The following PHACTR2 variants were observed in gnomAD, a reference collection of about 807,000 sequenced individuals.
PHACTR2 encodes the protein chromosome 6 open reading frame 56.
In PHACTR2, 30 loss-of-function variants were observed where a neutral mutation model predicts 76.0. The observed-to-expected ratio is 0.39, with a 90% CI of 0.30 to 0.54. PHACTR2 has a LOEUF of 0.54. Ranked by LOEUF, PHACTR2 falls within the 20% of genes least tolerant of loss-of-function variation. The pLI is 0.61. For missense variants in PHACTR2, 696 were observed against 781.1 expected (o/e 0.89, Z 1.30); for synonymous variants, 292 against 292.5 (o/e 1.00, Z 0.02).
At chr6:143,763,843 G>A (rs746054341) in intron 5 of PHACTR2, among the ~76,000 whole-genome samples, 3 of 152,134 alleles carry the variant, frequency 2.0e-5, no homozygotes, top group African/African-American at 7.2e-5. Context: ...GTGTGGATTG[G>A]CTTCACAATG....
chr6:143,653,765 T>C lies in PHACTR2; in HGVS notation c.13+45443T>C, dbSNP rs1776801879. The stretch of plus-strand genomic sequence containing the variant: ...TGTAAGAGCTAAAACTATAACAGGC[T>C]TAGAAGAAAACATAGGTGTAAATTT... On this transcript the variant is annotated intron_variant, in intron 1 of 11. Transcript: ENST00000305766. The surrounding 1 kb of genome is among the most constrained non-coding windows in gnomAD (Gnocchi z 4.9). Among the ~76,000 whole-genome samples, 1 of 152,052 alleles carries C rather than the reference T, an allele frequency of 6.6e-6. No homozygotes were observed. The highest frequency in any genetic ancestry group is 2.4e-5 in the African/African-American group (1 of 41,402).
chr6:143,631,992 G>A (rs1188167731), intron 1 of PHACTR2, among the ~76,000 whole-genome samples: 6 of 152,114 alleles, frequency 3.9e-5, no homozygotes, highest in Non-Finnish European at 7.4e-5. Context: ...GTAGTGATGG[G>A]GCTAAGCCAG....
At position 143,806,344 on chromosome 6, in the gene PHACTR2, A is replaced by T. The variant is rs559771545; in HGVS notation, c.1846-713A>T. On this transcript the variant is annotated intron_variant, in intron 11 of 12. Transcript: ENST00000440869. This position sits in a 1 kb window ranked among gnomAD's most constrained non-coding sequence, Gnocchi z 5.8. Reference sequence around the variant, plus strand: ...GAAATTATAAGTTCTATTTCTATAAACTTCCAATATTAAAGAATATATAAG... The same window carrying T: ...GAAATTATAAGTTCTATTTCTATAATCTTCCAATATTAAAGAATATATAAG... Among the ~76,000 whole-genome samples the T allele has an allele frequency of 5.3e-5, 8 of 152,328 alleles. No homozygotes were observed. The highest frequency in any genetic ancestry group is 2.0e-4 in the Admixed American group (3 of 15,298).
Position 143,613,407 on chromosome 6 carries a change from T to A in PHACTR2, c.13+5085T>A, listed in dbSNP as rs1039687495. 3.8e-4 allele frequency among the ~76,000 whole-genome samples: 58 copies of A among 152,202 alleles called. 1 individual carries two copies. On this transcript the variant is annotated intron_variant, in intron 1 of 11. Transcript: ENST00000305766. ...TAAAAATGCCAAAAGGAAAAATCAG[T>A]TCATATATAAACATAAAAGTACTGT...
At chr6:143,724,448 T>C (rs1251242646) in intron 2 of PHACTR2, among the ~76,000 whole-genome samples, 1 of 152,168 alleles carries the variant, frequency 6.6e-6, no homozygotes, top group East Asian at 1.9e-4. Context: ...TTTCATTTTT[T>C]TCTAGAAAAC....
In PHACTR2 at chr6:143,793,230, G is replaced by A. The variant is rs1775751030; in HGVS notation, c.1845+4320G>A. Among the ~76,000 whole-genome samples, 2 of 152,146 alleles carry A rather than the reference G, an allele frequency of 1.3e-5. No homozygotes were observed. Among genetic ancestry groups the A allele is most frequent in the South Asian group, 2.1e-4 (1 of 4,828 alleles). ...TTGACTCTTGTTCTTTTGTTGGAAG[G>A]TAAAGCTCATTCATCTCTAGCTGTA... On this transcript the variant is annotated intron_variant, in intron 11 of 12. Coordinates refer to ENST00000440869, the MANE Select transcript of PHACTR2 (RefSeq NM_001100164.2). The surrounding 1 kb of genome is among the most constrained non-coding windows in gnomAD (Gnocchi z 4.4).
At position 143,823,645 on chromosome 6, in the gene PHACTR2, A is replaced by G; in HGVS notation, c.1923-29A>G. 1 of 1,601,962 alleles carries G rather than the reference A, an allele frequency of 6.2e-7. No homozygotes were observed. Reference sequence around the variant, plus strand: ...CATGCAGAATGTGCTCCTAGGCCACAGGCTTATAGTTTCTATTTCTTACTC... The same window carrying G: ...CATGCAGAATGTGCTCCTAGGCCACGGGCTTATAGTTTCTATTTCTTACTC... On this transcript the variant is annotated intron_variant, in intron 12 of 12. Transcript: ENST00000440869. This position sits in a 1 kb window ranked among gnomAD's most constrained non-coding sequence, Gnocchi z 5.7.
rs1007276725 is a variant in PHACTR2, at chr6:143,821,356, G to A, written c.1923-2318G>A. 5.9e-5 allele frequency among the ~76,000 whole-genome samples: 9 copies of A among 152,162 alleles called. No individual in the cohort carries two copies. The highest frequency in any genetic ancestry group is 1.4e-4 in the African/African-American group (6 of 41,422). ...CTAGCAGCTCCTCAGTTATCAATTC[G>A]TGGCCCATCTCATTTCACCTGCTCT... is the stretch of plus-strand genomic sequence containing the variant. On this transcript the variant is annotated intron_variant, in intron 12 of 12. Transcript: ENST00000440869. This position sits in a 1 kb window ranked among gnomAD's most constrained non-coding sequence, Gnocchi z 5.2.
chr6:143,765,112 TATC>T lies in PHACTR2; in HGVS notation c.695-146_695-144del. On this transcript the variant is annotated intron_variant, in intron 5 of 12. Transcript: ENST00000440869. This position sits in a 1 kb window ranked among gnomAD's most constrained non-coding sequence, Gnocchi z 4.1. ...AGGGAGGGGCAGAAGACAAGACTATTATCATGATTAGCCTATTTTCTCTTATAC... is the reference window on the plus strand; with the variant it reads ...AGGGAGGGGCAGAAGACAAGACTATTATGATTAGCCTATTTTCTCTTATAC... 1 of 652,678 alleles carries T rather than the reference TATC, an allele frequency of 1.5e-6. No homozygotes were observed. The highest frequency in any genetic ancestry group is 2.7e-5 in the East Asian group (1 of 36,878). The allele number at this position is 652,678 out of a possible 1,614,324, so 40.4% of individuals were successfully genotyped here.
intron 1 of PHACTR2, among the ~76,000 whole-genome samples, chr6:143,692,798 C>A (rs185440877): frequency 6.6e-6 from 1 of 152,326 alleles, no homozygotes; most frequent in East Asian, 1.9e-4. Flanking sequence ...TAATAAATAA[C>A]TTTGCAGATA....
chr6:143,815,555 T>C (rs1376807999), intron 12 of PHACTR2, among the ~76,000 whole-genome samples: 1 of 152,182 alleles, frequency 6.6e-6, no homozygotes, highest in Non-Finnish European at 1.5e-5. Flanking sequence ...GAAAGTAATA[T>C]TTTACCTTTG....
chr6:143,716,531 G>T (rs1326283393), intron 2 of PHACTR2, among the ~76,000 whole-genome samples: 12 of 152,172 alleles, frequency 7.9e-5, no homozygotes, highest in Admixed American at 7.9e-4. Flanking sequence ...TAGAGATGGG[G>T]TTTCACCATG....
rs906578846 is a variant in PHACTR2, at chr6:143,652,993, C to T, written c.13+44671C>T. 6.6e-6 allele frequency among the ~76,000 whole-genome samples: 1 copy of T among 152,194 alleles called. No individual in the cohort carries two copies. The highest frequency in any genetic ancestry group is 6.5e-5 in the Admixed American group (1 of 15,278). ...CTCCCTGGCAAGCAATAGAAAAGCA[C>T]CAGGTGTTCCCAGCAGCGCTCTCTT... On this transcript the variant is annotated intron_variant, in intron 1 of 11. Coordinates refer to the PHACTR2 transcript ENST00000305766. This position sits in a 1 kb window ranked among gnomAD's most constrained non-coding sequence, Gnocchi z 4.5.
At position 143,581,007 on chromosome 6, in the gene PHACTR2, C is replaced by G. The variant is rs1775566222; in HGVS notation, c.217+43800C>G. Among the ~76,000 whole-genome samples, 1 of 152,172 alleles carries G rather than the reference C, an allele frequency of 6.6e-6. No homozygotes were observed. Among genetic ancestry groups the G allele is most frequent in the Admixed American group, 6.5e-5 (1 of 15,270 alleles). On this transcript the variant is annotated intron_variant, in intron 1 of 11. Transcript: ENST00000367584. This position sits in a 1 kb window ranked among gnomAD's most constrained non-coding sequence, Gnocchi z 4.5. ...ATAAAAGTCTTCCATTACAGAACAC[C>G]TACACATCAGGAGCTCAAAAACAGA...
In PHACTR2 at chr6:143,592,802, C is replaced by A. The variant is rs770150236; in HGVS notation, c.217+55595C>A. Among the ~76,000 whole-genome samples the A allele has an allele frequency of 6.6e-6, 1 of 151,968 alleles. No individual in the cohort carries two copies. The highest frequency in any genetic ancestry group is 1.9e-4 in the East Asian group (1 of 5,168). ...GTGGCTCAAGCCTGTAATCCCAGCA[C>A]TTTGGGAGGCCAAGGCGAGCAGATT... On this transcript the variant is annotated intron_variant, in intron 1 of 11. Coordinates refer to the PHACTR2 transcript ENST00000367584. The surrounding 1 kb of genome is among the most constrained non-coding windows in gnomAD (Gnocchi z 4.0).
At position 143,648,456 on chromosome 6, in the gene PHACTR2, G is replaced by T. The variant is rs769727077; in HGVS notation, c.13+40134G>T. Among the ~76,000 whole-genome samples, 11 of 152,138 alleles carry T rather than the reference G, an allele frequency of 7.2e-5. No homozygotes were observed. The highest frequency in any genetic ancestry group is 4.2e-4 in the South Asian group (2 of 4,818). Reference sequence around the variant, plus strand: ...TCTCTGCACTGGGAGTCCCTGGGAGGGGGGGACGAGGAGGAACAGACCAAA... The same window carrying T: ...TCTCTGCACTGGGAGTCCCTGGGAGTGGGGGACGAGGAGGAACAGACCAAA... On this transcript the variant is annotated intron_variant, in intron 1 of 11. Transcript: ENST00000305766. The surrounding 1 kb of genome is among the most constrained non-coding windows in gnomAD (Gnocchi z 6.7).
Position 143,809,244 on chromosome 6 carries a change from A to G in PHACTR2, c.1922+2111A>G, listed in dbSNP as rs1043770105. ...GAAGTTCTCATTTTATGAAAAATAA[A>G]TATTTATACTAAAAGAGGTTCTTTC... On this transcript the variant is annotated intron_variant, in intron 12 of 12. Transcript: ENST00000440869. This position sits in a 1 kb window ranked among gnomAD's most constrained non-coding sequence, Gnocchi z 4.2. 5.9e-5 allele frequency among the ~76,000 whole-genome samples: 9 copies of G among 152,244 alleles called. No individual in the cohort carries two copies. Among genetic ancestry groups the G allele is most frequent in the Admixed American group, 2.6e-4 (4 of 15,286 alleles).
chr6:143,784,630 A>C lies in PHACTR2; in HGVS notation c.1707+1350A>C, dbSNP rs1255949989. 6.6e-6 allele frequency among the ~76,000 whole-genome samples: 1 copy of C among 152,170 alleles called. No homozygotes were observed. Among genetic ancestry groups the C allele is most frequent in the African/African-American group, 2.4e-5 (1 of 41,430 alleles). ...TGTTTTTCAAGGAAAAACATCCTTA[A>C]TTTATCCATTGTATTAGTCCATTTT... On this transcript the variant is annotated intron_variant, in intron 10 of 12. Coordinates refer to ENST00000440869, the MANE Select transcript of PHACTR2 (RefSeq NM_001100164.2). This position sits in a 1 kb window ranked among gnomAD's most constrained non-coding sequence, Gnocchi z 4.5.
In PHACTR2 at chr6:143,570,892, T is replaced by C. The variant is rs185329941; in HGVS notation, c.217+33685T>C. ...GCTGAAGACAATTGCCCTGATTCCC[T>C]AACCTAAGGGATGGCTCTGCAAGTG... On this transcript the variant is annotated intron_variant, in intron 1 of 11. Coordinates refer to the PHACTR2 transcript ENST00000367584. This position sits in a 1 kb window ranked among gnomAD's most constrained non-coding sequence, Gnocchi z 4.6. 3.7e-3 allele frequency among the ~76,000 whole-genome samples: 558 copies of C among 152,286 alleles called. 5 individuals carry two copies. The highest frequency in any genetic ancestry group is 0.013 in the African/African-American group (541 of 41,552).
Sources: gnomAD v4.1 joint callset for allele counts (sites outside exome capture counted in the v4.1 genomes callset) on GRCh38, gnomAD v4.1.1 for gene constraint, Gnocchi (gnomAD v3.1) non-coding constraint, MANE v1.5 for transcripts, NCBI Gene and HGNC (gene_info 2026-07-23, HGNC 2026-07-21) for gene names.